The following CLDN14 variants were observed in gnomAD, a reference collection of about 807,000 sequenced individuals.
CLDN14 encodes the protein claudin-14.
Under a neutral mutation model 2.1 loss-of-function variants are expected in CLDN14, and 2 were observed. The ratio of observed to expected loss-of-function variants is 0.96; its 90% CI spans 0.39 to 3.01. CLDN14 has a LOEUF of 3.01. CLDN14 is among the 30% of genes most tolerant of loss of function. The pLI is 0.09. For missense variants in CLDN14, 298 were observed against 328.0 expected (o/e 0.91, Z 0.71); for synonymous variants, 136 against 154.4 (o/e 0.88, Z 0.88).
At chr21:36,494,776 C>T (rs756938290) in intron 2 of CLDN14, among the ~76,000 whole-genome samples, 29 of 152,166 alleles carry the variant, frequency 1.9e-4, no homozygotes, top group Non-Finnish European at 3.4e-4. Context: ...GCCTTGATCT[C>T]GGACTTCCAG....
intron 1 of CLDN14, among the ~76,000 whole-genome samples, chr21:36,559,660 A>C (rs951435382): frequency 6.6e-6 from 1 of 152,250 alleles, no homozygotes; most frequent in Non-Finnish European, 1.5e-5. Context: ...AAGGATAAAC[A>C]TAAAATCTAA....
chr21:36,468,701 A>G (rs759284152), intron 1 of CLDN14, among the ~76,000 whole-genome samples: 2 of 152,160 alleles, frequency 1.3e-5, no homozygotes, highest in Non-Finnish European at 2.9e-5. Flanking sequence ...CTCTTACGCT[A>G]TGATGTATCT....
intron 2 of CLDN14, among the ~76,000 whole-genome samples, chr21:36,495,589 A>G (rs942440130): frequency 6.6e-6 from 1 of 152,260 alleles, no homozygotes; most frequent in African/African-American, 2.4e-5. Flanking sequence ...ATCAATGCAG[A>G]TGCTGATGTT....
At chr21:36,562,183 A>G (rs1466328728) in intron 1 of CLDN14, among the ~76,000 whole-genome samples, 1 of 152,178 alleles carries the variant, frequency 6.6e-6, no homozygotes, top group African/African-American at 2.4e-5. Flanking sequence ...CCATTGTCAC[A>G]CAGGGAAACA....
chr21:36,474,303 G>A (rs1484636624), intron 1 of CLDN14, among the ~76,000 whole-genome samples: 1 of 152,160 alleles, frequency 6.6e-6, no homozygotes, highest in Non-Finnish European at 1.5e-5. Context: ...CAGCAATAGA[G>A]ACCATGATAT....
chr21:36,555,404 G>C (rs1348046552), intron 1 of CLDN14, among the ~76,000 whole-genome samples: 2 of 152,254 alleles, frequency 1.3e-5, no homozygotes, highest in African/African-American at 4.8e-5. Context: ...GGGGTGCGCT[G>C]TTATGCTTCA....
chr21:36,474,700 T>C (rs572396078), intron 1 of CLDN14, among the ~76,000 whole-genome samples: 24 of 152,142 alleles, frequency 1.6e-4, no homozygotes, highest in Non-Finnish European at 2.8e-4. Flanking sequence ...GAGAGGACCC[T>C]TGTTTTGCTG....
chr21:36,504,732 T>G (rs2087116696), intron 2 of CLDN14, among the ~76,000 whole-genome samples: 1 of 152,186 alleles, frequency 6.6e-6, no homozygotes, highest in Non-Finnish European at 1.5e-5. Context: ...TGCAGTGGGT[T>G]ATAGAGAAGA....
chr21:36,550,516 T>G (rs1387939856), intron 1 of CLDN14, among the ~76,000 whole-genome samples: 1 of 152,200 alleles, frequency 6.6e-6, no homozygotes, highest in East Asian at 1.9e-4. Context: ...CAAAGGGCAG[T>G]GCCAAATCCT....
At chr21:36,496,589 C>T (rs1429577933) in intron 2 of CLDN14, among the ~76,000 whole-genome samples, 2 of 148,874 alleles carry the variant, frequency 1.3e-5, no homozygotes, top group East Asian at 4.0e-4. Context: ...CCTTCCTAGT[C>T]TAAATCAGAT....
intron 1 of CLDN14, among the ~76,000 whole-genome samples, chr21:36,519,945 TG>T (rs1188074647): frequency 2.6e-5 from 4 of 152,150 alleles, no homozygotes. Context: ...ACAGTGTTTT[TG>T]TTTTCTAGGG....
intron 1 of CLDN14, 39 bp from the exon 2 acceptor site, chr21:36,461,815 G>A: frequency 7.4e-7 from 1 of 1,358,816 alleles, no homozygotes; most frequent in Middle Eastern, 2.5e-4. Flanking sequence ...GGAGAGAAAG[G>A]AAATGGGTTA....
intron 1 of CLDN14, among the ~76,000 whole-genome samples, chr21:36,564,754 G>A (rs1361198273): frequency 1.3e-5 from 2 of 152,222 alleles, no homozygotes; most frequent in Non-Finnish European, 2.9e-5. Flanking sequence ...TTCAGAATAA[G>A]GAGATTATCA....
At chr21:36,486,986 A>AT (rs57062881) in intron 2 of CLDN14, 31,111 of 279,822 alleles carry the variant, frequency 0.11, 122 homozygotes, top group South Asian at 0.19. Context: ...ATTTTGTTTA[A>AT]TTTTTTTTTT....
chr21:36,566,761 G>T (rs28374138), intron 1 of CLDN14, among the ~76,000 whole-genome samples: 1 of 152,098 alleles, frequency 6.6e-6, no homozygotes, highest in African/African-American at 2.4e-5. Flanking sequence ...TAAATGAGGT[G>T]GCCCATTCAC....
intron 1 of CLDN14, among the ~76,000 whole-genome samples, chr21:36,537,362 G>T (rs1391342694): frequency 6.6e-6 from 1 of 152,160 alleles, no homozygotes; most frequent in African/African-American, 2.4e-5. Flanking sequence ...TTGATAAAAA[G>T]ACGTAACAAT....
intron 1 of CLDN14, among the ~76,000 whole-genome samples, chr21:36,574,994 A>G (rs1268918830): frequency 6.6e-6 from 1 of 152,248 alleles, no homozygotes; most frequent in African/African-American, 2.4e-5. Flanking sequence ...ATTTAGCAGT[A>G]AAAATCAAAC....
chr21:36,462,866 C>T (rs60419768), intron 1 of CLDN14, among the ~76,000 whole-genome samples: 3,286 of 136,998 alleles, frequency 0.024, 42 homozygotes, highest in African/African-American at 0.04. Flanking sequence ...TGCAGTGAGC[C>T]GAGATCGCGC....
At position 36,461,069 on chromosome 21, in the gene CLDN14, A is replaced by C; in HGVS notation, c.627T>G (p.Pro209=). The part of the protein sequence containing the change: ...RATTTTANTA[P]AYQPPAAYKD... ...TGTAGGCAGCTGGTGGCTGGTAGGC[A>C]GGTGCGGTGTTTGCAGTGGTCGTGG... The change falls in exon 2 of 2, where the codon CCT becomes CCG. Residue 209 remains proline (P), a synonymous_variant. Coordinates refer to ENST00000399135, the MANE Select transcript of CLDN14 (RefSeq NM_001146079.2). 3 of 1,614,092 alleles carry C rather than the reference A, an allele frequency of 1.9e-6. No homozygotes were observed. Among genetic ancestry groups the C allele is most frequent in the Non-Finnish European group, 2.5e-6 (3 of 1,179,978 alleles).
Sources: allele counts gnomAD v4.1 joint callset (sites outside exome capture counted in the v4.1 genomes callset), GRCh38; gene constraint gnomAD v4.1.1; transcripts MANE v1.5; gene names NCBI Gene and HGNC (gene_info 2026-07-23, HGNC 2026-07-21).